KPNA3: variants seen among roughly 807,000 people sequenced by gnomAD.
The protein encoded by KPNA3 is karyopherin subunit alpha 3, also known as importin subunit alpha-4.
KPNA3 carries 13 observed loss-of-function variants against 73.8 expected under a neutral mutation model. That is an observed-to-expected ratio of 0.18 (90% confidence interval 0.11 to 0.28). The LOEUF is 0.28. KPNA3 is among the 10% of genes least tolerant of loss of function. The pLI, the probability that KPNA3 is intolerant of heterozygous loss-of-function variation, is 1.00. For missense variants in KPNA3, 360 were observed against 618.1 expected, an observed-to-expected ratio of 0.58 and a Z score of 4.43; for synonymous variants, 186 against 206.9, an observed-to-expected ratio of 0.90 and a Z score of 0.87.
At chr13:49,730,435 G>A (rs1015925299) in intron 6 of KPNA3, among the ~76,000 whole-genome samples, 11 of 140,290 alleles carry the variant, frequency 7.8e-5, no homozygotes, top group South Asian at 2.3e-4. Context: ...CATGAGAATC[G>A]CTTGAACCCG....
At chr13:49,738,951 G>A (rs181120421) in intron 2 of KPNA3, among the ~76,000 whole-genome samples, 6 of 152,304 alleles carry the variant, frequency 3.9e-5, no homozygotes, top group Non-Finnish European at 7.3e-5. Context: ...ACCATTAAGT[G>A]TGATGTTAGC....
intron 15 of KPNA3, among the ~76,000 whole-genome samples, chr13:49,702,841 C>T (rs182749919): frequency 2.0e-4 from 30 of 152,290 alleles, no homozygotes; most frequent in African/African-American, 7.0e-4. Flanking sequence ...AACTCCCCCA[C>T]AGTGCTTTAA....
At chr13:49,715,035 A>G (rs1023761191) in intron 10 of KPNA3, among the ~76,000 whole-genome samples, 8 of 152,172 alleles carry the variant, frequency 5.3e-5, no homozygotes, top group Middle Eastern at 3.4e-3. Context: ...GGAGAAAATA[A>G]TAGAATTTTC....
At chr13:49,787,766 G>A (rs1954996479) in intron 1 of KPNA3, among the ~76,000 whole-genome samples, 1 of 149,794 alleles carries the variant, frequency 6.7e-6, no homozygotes, top group South Asian at 2.1e-4. Flanking sequence ...TGCAAGCTCC[G>A]CCTCCCGGGT....
At chr13:49,769,148 ACT>A (rs58082856) in intron 1 of KPNA3, among the ~76,000 whole-genome samples, 6,729 of 152,224 alleles carry the variant, frequency 0.044, 468 homozygotes, top group African/African-American at 0.15. Flanking sequence ...TAGGAAGGTA[ACT>A]CTACAGTATT....
chr13:49,780,866 G>T (rs539550527), intron 1 of KPNA3, among the ~76,000 whole-genome samples: 7 of 151,846 alleles, frequency 4.6e-5, no homozygotes. Context: ...GACTACAGGT[G>T]CACGCCACCA....
intron 1 of KPNA3, among the ~76,000 whole-genome samples, chr13:49,765,988 A>T (rs1954804824): frequency 6.6e-6 from 1 of 152,184 alleles, no homozygotes; most frequent in Non-Finnish European, 1.5e-5. Context: ...CATGTTCCTT[A>T]AGACATTCAA....
At chr13:49,781,825 T>C (rs935906805) in intron 1 of KPNA3, among the ~76,000 whole-genome samples, 4 of 152,194 alleles carry the variant, frequency 2.6e-5, no homozygotes, top group African/African-American at 9.7e-5. Flanking sequence ...CTTAGAGTTA[T>C]GTTGCAAACA....
At chr13:49,716,627 C>T (rs1566336058) in intron 10 of KPNA3, among the ~76,000 whole-genome samples, 4 of 151,952 alleles carry the variant, frequency 2.6e-5, no homozygotes, top group South Asian at 2.1e-4. Context: ...TTAGTAGAGA[C>T]GGGGTTTTGC....
intron 6 of KPNA3, among the ~76,000 whole-genome samples, chr13:49,730,823 C>T (rs945375265): frequency 1.4e-5 from 2 of 144,144 alleles, no homozygotes; most frequent in African/African-American, 5.1e-5. Flanking sequence ...GTCGCCCAGG[C>T]TGGAGTGCAG....
intron 12 of KPNA3, among the ~76,000 whole-genome samples, chr13:49,709,225 A>C (rs1303204779): frequency 2.0e-5 from 3 of 151,622 alleles, no homozygotes; most frequent in Non-Finnish European, 4.4e-5. Context: ...ATATGGTGAA[A>C]CCCCATCTCT....
chr13:49,750,032 T>A (rs1342753097), intron 1 of KPNA3, among the ~76,000 whole-genome samples: 2 of 152,232 alleles, frequency 1.3e-5, no homozygotes, highest in African/African-American at 4.8e-5. Context: ...CAAGTATCTA[T>A]TTTTAGTCCA....
At chr13:49,702,558 T>C (rs1954157904) in intron 15 of KPNA3, 78 bp from the exon 16 acceptor site, 1 of 721,834 alleles carries the variant, frequency 1.4e-6, no homozygotes, top group Admixed American at 3.1e-5. Flanking sequence ...ATTTTAATCA[T>C]GGAGAAATCC....
chr13:49,708,804 T>G (rs563146232), intron 12 of KPNA3, among the ~76,000 whole-genome samples: 25 of 152,344 alleles, frequency 1.6e-4, no homozygotes, highest in African/African-American at 5.8e-4. Flanking sequence ...AAGTACATAT[T>G]ACACAATTAA....
chr13:49,734,602 G>T (rs528419997), intron 2 of KPNA3, among the ~76,000 whole-genome samples: 3 of 152,164 alleles, frequency 2.0e-5, no homozygotes, highest in Non-Finnish European at 4.4e-5. Flanking sequence ...TAATAGTTCT[G>T]TGGTGTCTGA....
intron 1 of KPNA3, among the ~76,000 whole-genome samples, chr13:49,762,654 T>A (rs1431254996): frequency 1.3e-5 from 2 of 152,052 alleles, no homozygotes; most frequent in Non-Finnish European, 2.9e-5. Context: ...GTTAAACAGA[T>A]GCTTGAAGGC....
intron 2 of KPNA3, among the ~76,000 whole-genome samples, chr13:49,740,388 T>C (rs1566346487): frequency 6.6e-6 from 1 of 152,178 alleles, no homozygotes; most frequent in Admixed American, 6.5e-5. Context: ...CCATGTGATA[T>C]GGTTTGGCTG....
At chr13:49,744,824 A>G (rs1303947431) in intron 2 of KPNA3, among the ~76,000 whole-genome samples, 1 of 152,220 alleles carries the variant, frequency 6.6e-6, no homozygotes, top group East Asian at 1.9e-4. Context: ...CAGGAACTAT[A>G]TACTATACCA....
At chr13:49,706,198 G>A (rs755302040) in intron 13 of KPNA3, 29 bp from the exon 14 acceptor site, 2 of 1,611,636 alleles carry the variant, frequency 1.2e-6, no homozygotes, top group South Asian at 1.1e-5. Context: ...ATCATAAAAT[G>A]GACTCTTTAT....
Sources: allele counts gnomAD v4.1 joint callset (sites outside exome capture counted in the v4.1 genomes callset), GRCh38; gene constraint gnomAD v4.1.1; transcripts MANE v1.5; gene names NCBI Gene and HGNC (gene_info 2026-07-23, HGNC 2026-07-21).